The following UMAD1 variants were observed in gnomAD, a reference collection of about 807,000 sequenced individuals.
The protein encoded by UMAD1 is UBAP1-MVB12-associated (UMA)-domain containing protein 1.
UMAD1 carries 8 observed loss-of-function variants against 6.1 expected under a neutral mutation model. The ratio of observed to expected loss-of-function variants is 1.30; its 90% CI spans 0.76 to 2.35. The LOEUF (loss-of-function observed/expected upper bound fraction) is 2.35, where lower values mean the gene tolerates loss of function less well. Among genes scored for constraint, UMAD1 ranks in the 30% most tolerant of loss-of-function variants. The pLI is 0.00. For missense variants in UMAD1, 130 were observed against 78.4 expected, an observed-to-expected ratio of 1.66 and a Z score of -2.49; for synonymous variants, 56 against 31.4, an observed-to-expected ratio of 1.78 and a Z score of -2.61.
intron 2 of UMAD1, among the ~76,000 whole-genome samples, chr7:7,769,587 C>G (rs1196735095): frequency 2.0e-5 from 3 of 152,120 alleles, no homozygotes; most frequent in Non-Finnish European, 4.4e-5. Flanking sequence ...GTTTGGTGGG[C>G]TGCCTACCCA....
At chr7:7,763,771 T>C (rs149084544) in intron 2 of UMAD1, among the ~76,000 whole-genome samples, 1 of 152,288 alleles carries the variant, frequency 6.6e-6, no homozygotes, top group Non-Finnish European at 1.5e-5. Flanking sequence ...AAGTAAACAG[T>C]TCAGGTTTAC....
chr7:7,711,196 G>T (rs761952502), intron 2 of UMAD1, among the ~76,000 whole-genome samples: 20 of 152,124 alleles, frequency 1.3e-4, no homozygotes, highest in Non-Finnish European at 2.6e-4. Flanking sequence ...TGGTAAACCA[G>T]GTAGAAGCTA....
At chr7:7,768,173 G>T (rs114372620) in intron 2 of UMAD1, among the ~76,000 whole-genome samples, 386 of 152,092 alleles carry the variant, frequency 2.5e-3, no homozygotes, top group African/African-American at 8.9e-3. Flanking sequence ...TACCCTGGCA[G>T]ATTTATCAAA....
chr7:7,683,854 C>G (rs1779974148), intron 2 of UMAD1, among the ~76,000 whole-genome samples: 1 of 152,158 alleles, frequency 6.6e-6, no homozygotes, highest in African/African-American at 2.4e-5. Context: ...AACTCCTGAC[C>G]TCAGGTGATC....
intron 2 of UMAD1, among the ~76,000 whole-genome samples, chr7:7,719,207 A>G (rs1780993051): frequency 1.3e-5 from 2 of 152,236 alleles, no homozygotes; most frequent in South Asian, 2.1e-4. Flanking sequence ...ATGATCAGCA[A>G]GCTTTAGGAG....
intron 2 of UMAD1, among the ~76,000 whole-genome samples, chr7:7,709,664 A>T (rs1412381661): frequency 6.6e-6 from 1 of 152,244 alleles, no homozygotes; most frequent in East Asian, 1.9e-4. Context: ...CTGTATTACA[A>T]TTTATAATAA....
intron 3 of UMAD1, among the ~76,000 whole-genome samples, chr7:7,873,445 C>T (rs776822135): frequency 2.0e-5 from 3 of 152,082 alleles, no homozygotes; most frequent in African/African-American, 4.8e-5. Flanking sequence ...TTGGCTGACC[C>T]GAGGATAATT....
At chr7:7,651,350 A>G (rs894364115) in intron 1 of UMAD1, among the ~76,000 whole-genome samples, 1 of 152,128 alleles carries the variant, frequency 6.6e-6, no homozygotes, top group Admixed American at 6.6e-5. Context: ...TTTGGGGTTT[A>G]TAAGGGTACA....
Position 7,874,689 on chromosome 7 carries a change from G to T in UMAD1, c.157-2592G>T, listed in dbSNP as rs577533293. Among the ~76,000 whole-genome samples the T allele has an allele frequency of 2.6e-5, 4 of 151,944 alleles. No homozygotes were observed. In the East Asian group the frequency reaches 7.8e-4, roughly 29 times the overall value. ...AAAAGTAGCTGGACATTCCAGCCTG[G>T]GTGACAAGAGCAAAACTCTGTCTCA... On this transcript the variant is annotated intron_variant, in intron 3 of 3. Transcript: ENST00000682710.
At chr7:7,821,273 A>T (rs1783237490) in intron 3 of UMAD1, among the ~76,000 whole-genome samples, 1 of 152,184 alleles carries the variant, frequency 6.6e-6, no homozygotes, top group Non-Finnish European at 1.5e-5. Context: ...ACTAGTCTGT[A>T]TTCAGATGTA....
At position 7,691,829 on chromosome 7, in the gene UMAD1, C is replaced by T. The variant is rs555085954; in HGVS notation, c.82+18376C>T. On this transcript the variant is annotated intron_variant, in intron 2 of 3. Transcript: ENST00000682710. ...TTTCTCAGGAGGGAAAAAGGTGGTT[C>T]ACCAGCTGCCAAACAAAAGTCATGA... is the stretch of plus-strand genomic sequence containing the variant. Among the ~76,000 whole-genome samples the T allele has an allele frequency of 3.9e-5, 6 of 152,280 alleles. No individual in the cohort carries two copies. The South Asian group carries it at 1.0e-3, about 26-fold the overall frequency.
At chr7:7,774,945 C>T (rs1782172486) in intron 2 of UMAD1, among the ~76,000 whole-genome samples, 1 of 152,192 alleles carries the variant, frequency 6.6e-6, no homozygotes, top group African/African-American at 2.4e-5. Flanking sequence ...ATCACATTCT[C>T]ATCCCATTTC....
intron 3 of UMAD1, among the ~76,000 whole-genome samples, chr7:7,837,727 G>C (rs1783599092): frequency 1.3e-5 from 2 of 151,944 alleles, no homozygotes; most frequent in Non-Finnish European, 2.9e-5. Flanking sequence ...GAATATATCA[G>C]TTACTATACT....
intron 1 of UMAD1, among the ~76,000 whole-genome samples, chr7:7,654,094 G>C (rs778243367): frequency 6.6e-6 from 1 of 152,148 alleles, no homozygotes; most frequent in Non-Finnish European, 1.5e-5. Flanking sequence ...ATCACTGCTA[G>C]GCTACCCTTC....
intron 3 of UMAD1, among the ~76,000 whole-genome samples, chr7:7,875,792 A>C (rs2115345986): frequency 6.6e-6 from 1 of 152,320 alleles, no homozygotes; most frequent in African/African-American, 2.4e-5. Context: ...TGAGCTACAA[A>C]AGCTTCTTGG....
At chr7:7,827,094 G>A (rs970667824) in intron 3 of UMAD1, among the ~76,000 whole-genome samples, 1 of 147,532 alleles carries the variant, frequency 6.8e-6, no homozygotes, top group Non-Finnish European at 1.5e-5. Context: ...TTTTTCCCCT[G>A]AAGTGTTTTA....
intron 2 of UMAD1, among the ~76,000 whole-genome samples, chr7:7,744,742 TTTTG>T (rs1781538580): frequency 6.6e-6 from 1 of 152,198 alleles, no homozygotes; most frequent in Non-Finnish European, 1.5e-5. Flanking sequence ...TATTCAGATA[TTTTG>T]TTTATTTTTA....
chr7:7,870,169 A>C (rs924492987), intron 3 of UMAD1, among the ~76,000 whole-genome samples: 5 of 152,246 alleles, frequency 3.3e-5, no homozygotes, highest in African/African-American at 1.2e-4. Flanking sequence ...AAAACAGCTT[A>C]TAACAGCAAA....
intron 1 of UMAD1, among the ~76,000 whole-genome samples, chr7:7,672,888 G>A (rs28547442): frequency 0.016 from 2,396 of 152,236 alleles, 65 homozygotes; most frequent in African/African-American, 0.053. Flanking sequence ...TTCTCCAGTG[G>A]CCTTAGTCTT....
Sources: gnomAD v4.1 joint callset for allele counts (sites outside exome capture counted in the v4.1 genomes callset) on GRCh38, gnomAD v4.1.1 for gene constraint, MANE v1.5 for transcripts, NCBI Gene and HGNC (gene_info 2026-07-23, HGNC 2026-07-21) for gene names.